Variants in TBX5 observed in about 807,000 individuals in gnomAD.
The protein encoded by TBX5 is T-box transcription factor 5, also known as T-box transcription factor TBX5.
In TBX5, 8 loss-of-function variants were observed where a neutral mutation model predicts 51.1. The ratio of observed to expected loss-of-function variants is 0.16; its 90% CI spans 0.09 to 0.28. TBX5 has a LOEUF of 0.28. TBX5 is among the 10% of genes least tolerant of loss of function. The pLI is 1.00. For synonymous variants in TBX5, 302 were observed against 266.4 expected, an observed-to-expected ratio of 1.13 and a Z score of -1.30; for missense variants, 589 against 671.7, an observed-to-expected ratio of 0.88 and a Z score of 1.36.
chr12:114,395,763 G>A (rs1266794307), intron 5 of TBX5, among the ~76,000 whole-genome samples: 2 of 152,120 alleles, frequency 1.3e-5, no homozygotes, highest in African/African-American at 4.8e-5. Flanking sequence ...GGTGTTCCCA[G>A]GGACAAGAGG....
chr12:114,384,679 T>C (rs1380465834), intron 7 of TBX5, among the ~76,000 whole-genome samples: 2 of 150,830 alleles, frequency 1.3e-5, no homozygotes, highest in African/African-American at 4.9e-5. Flanking sequence ...TCATTTTATT[T>C]TGAAACACTA....
chr12:114,398,798 C>A (rs1341282526), intron 4 of TBX5, 78 bp from the exon 5 acceptor site: 1 of 1,530,828 alleles, frequency 6.5e-7, no homozygotes, highest in Non-Finnish European at 8.9e-7. Context: ...TGCTTCAGTT[C>A]ACGCACCAGG....
In TBX5 at chr12:114,355,468, C is replaced by T. The variant is rs1289294626; in HGVS notation, c.*64G>A. The stretch of plus-strand genomic sequence containing the variant: ...TCTCTTGGCTACTGTCTCTCTCCTT[C>T]TCTCTCTTTCTCCTCTCTCTCTCTC... On this transcript the variant is annotated 3_prime_UTR_variant, in exon 9 of 9. Transcript: ENST00000405440. The T allele has an allele frequency of 6.3e-7, 1 of 1,584,684 alleles. No individual in the cohort carries two copies. Among genetic ancestry groups the T allele is most frequent in the Non-Finnish European group, 8.6e-7 (1 of 1,160,032 alleles).
At chr12:114,374,884 G>A (rs1870107325) in intron 7 of TBX5, among the ~76,000 whole-genome samples, 1 of 152,080 alleles carries the variant, frequency 6.6e-6, no homozygotes, top group Non-Finnish European at 1.5e-5. Context: ...GAAGGAGGGA[G>A]GGAGAGAGGG....
chr12:114,372,784 C>T (rs1057305373), intron 7 of TBX5, among the ~76,000 whole-genome samples: 1 of 152,066 alleles, frequency 6.6e-6, no homozygotes, highest in Non-Finnish European at 1.5e-5. Flanking sequence ...GCATCAAGCT[C>T]AGGCTCCGAT....
chr12:114,402,544 GA>G lies in TBX5; in HGVS notation c.148-625del, dbSNP rs1871896464. On this transcript the variant is annotated intron_variant, in intron 2 of 8. Coordinates refer to ENST00000405440, the MANE Select transcript of TBX5 (RefSeq NM_181486.4). ...TATTATCATATATTCTTACAGTCCA[GA>G]AGGATAATTAATCCTAAATATCTAT... 1.3e-5 allele frequency among the ~76,000 whole-genome samples: 2 copies of G among 152,156 alleles called. 1 individual carries two copies. Among genetic ancestry groups the G allele is most frequent in the Admixed American group, 1.3e-4 (2 of 15,282 alleles).
At chr12:114,378,438 T>A (rs574212566) in intron 7 of TBX5, among the ~76,000 whole-genome samples, 1 of 152,336 alleles carries the variant, frequency 6.6e-6, no homozygotes, top group Admixed American at 6.5e-5. Context: ...ACCTGGCATC[T>A]GGCTTCAACA....
intron 7 of TBX5, among the ~76,000 whole-genome samples, chr12:114,378,820 T>A (rs553470610): frequency 1.3e-5 from 2 of 152,190 alleles, no homozygotes; most frequent in South Asian, 4.2e-4. Context: ...GTATTTTTAG[T>A]AGAGACGGGG....
chr12:114,402,286 A>C (rs2555005), intron 2 of TBX5, among the ~76,000 whole-genome samples: 80,452 of 152,010 alleles, frequency 0.53, 21,713 homozygotes, highest in East Asian at 0.81. Context: ...AAACCAAAAA[A>C]AAAAAACCAG....
rs1872202957 is a variant in TBX5, at chr12:114,406,108, C to T, written c.-519G>A. On this transcript the variant is annotated 5_prime_UTR_variant, in exon 1 of 9. The change creates a new upstream start codon in the 5' untranslated region. Transcript: ENST00000405440. Reference sequence around the variant, plus strand: ...AAATACAAGCCAACTCAGCTGAGCACAGTGACGTTGGGTTGCCTCGATGCT... The same window carrying T: ...AAATACAAGCCAACTCAGCTGAGCATAGTGACGTTGGGTTGCCTCGATGCT... The T allele has an allele frequency of 1.1e-6, 1 of 900,428 alleles. No homozygotes were observed. Among genetic ancestry groups the T allele is most frequent in the South Asian group, 5.1e-5 (1 of 19,558 alleles). 55.8% of individuals were successfully genotyped at this position (900,428 alleles called of 1,614,324 possible).
At chr12:114,379,492 G>C (rs1190631780) in intron 7 of TBX5, among the ~76,000 whole-genome samples, 1 of 152,216 alleles carries the variant, frequency 6.6e-6, no homozygotes, top group Non-Finnish European at 1.5e-5. Context: ...ACAGAGAACA[G>C]ATGGGATAGT....
intron 7 of TBX5, among the ~76,000 whole-genome samples, chr12:114,382,454 A>T (rs531141353): frequency 9.8e-5 from 15 of 152,298 alleles, no homozygotes; most frequent in African/African-American, 3.6e-4. Flanking sequence ...ACTTGAGTCC[A>T]GGGGTTCTAG....
intron 2 of TBX5, among the ~76,000 whole-genome samples, chr12:114,403,299 G>C (rs1234245532): frequency 1.3e-5 from 2 of 152,240 alleles, no homozygotes; most frequent in East Asian, 3.9e-4. Context: ...GGAGGCGGGA[G>C]GAGGCGAAGG....
At chr12:114,396,189 G>A (rs538289311) in intron 5 of TBX5, among the ~76,000 whole-genome samples, 11 of 151,968 alleles carry the variant, frequency 7.2e-5, no homozygotes, top group Non-Finnish European at 1.6e-4. Context: ...CGGGCCCCGC[G>A]GCTGCCCGAC....
chr12:114,366,746 A>T (rs1173392175), intron 7 of TBX5, among the ~76,000 whole-genome samples: 1 of 152,150 alleles, frequency 6.6e-6, no homozygotes, highest in East Asian at 1.9e-4. Context: ...TAAATTCCCT[A>T]ATTTGAAAGC....
chr12:114,406,494 C>G (rs1461734604), upstream of TBX5, among the ~76,000 whole-genome samples: 3 of 152,136 alleles, frequency 2.0e-5, no homozygotes, highest in Non-Finnish European at 4.4e-5. Flanking sequence ...GCCTCCGCAG[C>G]CTTGCAGACA....
intron 7 of TBX5, among the ~76,000 whole-genome samples, chr12:114,382,788 T>C (rs1052589685): frequency 6.6e-6 from 1 of 150,626 alleles, no homozygotes; most frequent in Non-Finnish European, 1.5e-5. Context: ...CAGAGGGAGA[T>C]TCCGCCTCAA....
At chr12:114,400,473 C>T (rs1871737208) in intron 3 of TBX5, among the ~76,000 whole-genome samples, 1 of 152,252 alleles carries the variant, frequency 6.6e-6, no homozygotes. Context: ...TTCTGAGGAA[C>T]ATGCCCCAGA....
chr12:114,404,142 T>A (rs540126554), intron 1 of TBX5, among the ~76,000 whole-genome samples: 5 of 152,312 alleles, frequency 3.3e-5, no homozygotes, highest in African/African-American at 1.2e-4. Flanking sequence ...TTACTATTAC[T>A]TTATAAGCAG....
Sources: gnomAD v4.1 joint callset for allele counts (sites outside exome capture counted in the v4.1 genomes callset) on GRCh38, gnomAD v4.1.1 for gene constraint, MANE v1.5 for transcripts, NCBI Gene and HGNC (gene_info 2026-07-23, HGNC 2026-07-21) for gene names.